The following IFT74 variants were observed in gnomAD, a reference collection of about 807,000 sequenced individuals.
IFT74 encodes intraflagellar transport 74.
A neutral mutation model predicts 96.7 loss-of-function variants in IFT74; 92 were observed. The ratio of observed to expected loss-of-function variants is 0.95; its 90% CI spans 0.80 to 1.13. The LOEUF is 1.13. Ranked by LOEUF, IFT74 falls within the 50% of genes most tolerant of loss-of-function variation. The pLI, the probability that IFT74 is intolerant of heterozygous loss-of-function variation, is 0.00. For missense variants in IFT74, 811 were observed against 698.2 expected (o/e 1.16, Z -1.82); for synonymous variants, 223 against 213.2 (o/e 1.05, Z -0.40).
chr9:27,022,535 G>C (rs1829660086), intron 12 of IFT74, among the ~76,000 whole-genome samples: 1 of 151,956 alleles, frequency 6.6e-6, no homozygotes, highest in African/African-American at 2.4e-5. Context: ...TCCTTGTAGA[G>C]GTCTTTCACC....
chr9:26,992,524 C>G (rs896932023), intron 8 of IFT74, among the ~76,000 whole-genome samples: 27 of 152,008 alleles, frequency 1.8e-4, no homozygotes, highest in African/African-American at 5.8e-4. Flanking sequence ...GAAACTCTGT[C>G]TCTACTAAAA....
At chr9:27,011,469 C>T (rs1829071038) in intron 9 of IFT74, among the ~76,000 whole-genome samples, 1 of 148,852 alleles carries the variant, frequency 6.7e-6, no homozygotes, top group Non-Finnish European at 1.5e-5. Context: ...TGTGTGTGTA[C>T]ACAGTATAGA....
chr9:26,981,269 C>G (rs1827363718), intron 4 of IFT74, among the ~76,000 whole-genome samples: 1 of 152,268 alleles, frequency 6.6e-6, no homozygotes, highest in East Asian at 1.9e-4. Flanking sequence ...ATTTTAGAGA[C>G]AGAGTCTCAC....
At chr9:26,984,627 T>C (rs1311476030) in intron 6 of IFT74, 68 bp downstream of exon 6, 1 of 1,230,118 alleles carries the variant, frequency 8.1e-7, no homozygotes, top group Non-Finnish European at 1.2e-6. Context: ...GCTTTAAAAA[T>C]ACATTAGTAG....
Position 26,980,415 on chromosome 9 carries a change from A to G in IFT74, c.257-156A>G, listed in dbSNP as rs10967638. Among the ~76,000 whole-genome samples the G allele has an allele frequency of 0.062, 9,412 of 152,204 alleles. 337 individuals are homozygous for G. Among genetic ancestry groups the G allele is most frequent in the South Asian group, 0.13 (611 of 4,820 alleles). ...CCTTATGTTGTGATTCTAAGGTATT[A>G]GTTCTCTTTTCAGTTTCAGTGATTC... is the stretch of plus-strand genomic sequence containing the variant. On this transcript the variant is annotated intron_variant, in intron 3 of 19. Transcript: ENST00000380062.
intron 8 of IFT74, 113 bp downstream of exon 8, chr9:26,990,308 T>C: frequency 2.0e-6 from 1 of 495,160 alleles, no homozygotes; most frequent in Non-Finnish European, 3.4e-6. Flanking sequence ...CATTGCCTTT[T>C]TCATTTAAAA....
At position 27,016,777 on chromosome 9, in the gene IFT74, T is replaced by C. The variant is rs1449732182; in HGVS notation, c.790-130T>C. On this transcript the variant is annotated intron_variant, in intron 10 of 19. Coordinates refer to ENST00000380062, the MANE Select transcript of IFT74 (RefSeq NM_025103.4). Reference sequence around the variant, plus strand: ...GCTTTGTAGCATTATTGAGTACTAATGATATTTGCTGTCTGTATTTAAAGA... The same window carrying C: ...GCTTTGTAGCATTATTGAGTACTAACGATATTTGCTGTCTGTATTTAAAGA... 19 of 593,692 alleles carry C rather than the reference T, an allele frequency of 3.2e-5. No individual in the cohort carries two copies. In the South Asian group the frequency reaches 5.0e-4, roughly 16 times the overall value. 36.8% of individuals were successfully genotyped at this position (593,692 alleles called of 1,614,324 possible). A position where few individuals can be genotyped will look rare whatever the true frequency, so the allele number is the denominator to read the frequency against.
intron 8 of IFT74, among the ~76,000 whole-genome samples, chr9:27,002,575 C>A (rs1265619008): frequency 6.6e-6 from 1 of 152,118 alleles, no homozygotes; most frequent in African/African-American, 2.4e-5. Context: ...GTTCTTGGCA[C>A]CTTTGTTGAA....
rs901548433 is a variant in IFT74, at chr9:26,965,665, G to T, written c.120+3578G>T. The stretch of plus-strand genomic sequence containing the variant: ...TTTAAAATTTGTATGTATTCATGGG[G>T]TAGGTCAGTTGTCTTACATGCATAT... On this transcript the variant is annotated intron_variant, in intron 2 of 19. Transcript: ENST00000380062. Among the ~76,000 whole-genome samples, 9 of 152,182 alleles carry T rather than the reference G, an allele frequency of 5.9e-5. No individual in the cohort carries two copies. In the South Asian group the frequency reaches 1.5e-3, roughly 25 times the overall value.
At chr9:26,996,436 A>G (rs1328436984) in intron 8 of IFT74, 1 of 1,598,306 alleles carries the variant, frequency 6.3e-7, no homozygotes, top group East Asian at 2.2e-5. Context: ...CTTATGAGGT[A>G]CTGTTTTGAT....
chr9:27,014,595 G>A (rs536217844), intron 10 of IFT74, among the ~76,000 whole-genome samples: 1 of 152,088 alleles, frequency 6.6e-6, no homozygotes, highest in South Asian at 2.1e-4. Flanking sequence ...ACTTTTGCCA[G>A]ATTTCTTTCT....
At chr9:26,969,594 A>C (rs1213723598) in intron 2 of IFT74, among the ~76,000 whole-genome samples, 1 of 152,000 alleles carries the variant, frequency 6.6e-6, no homozygotes, top group Non-Finnish European at 1.5e-5. Context: ...TGATATGTGA[A>C]GCTTTGTTCC....
chr9:27,012,113 C>T, intron 10 of IFT74, 145 bp downstream of exon 10: 1 of 502,120 alleles, frequency 2.0e-6, no homozygotes, highest in Non-Finnish European at 3.5e-6. Context: ...CTATTCTGGA[C>T]CCACAAAGAT....
intron 1 of IFT74, among the ~76,000 whole-genome samples, chr9:26,959,353 C>G (rs1826255624): frequency 6.6e-6 from 1 of 152,176 alleles, no homozygotes; most frequent in South Asian, 2.1e-4. Flanking sequence ...TCGTGATCCG[C>G]CCGCCTCGGC....
chr9:27,041,092 C>T (rs148756899), intron 13 of IFT74, among the ~76,000 whole-genome samples: 1,855 of 152,278 alleles, frequency 0.012, 19 homozygotes, highest in South Asian at 0.023. Context: ...ACAGCACATA[C>T]GCATTTCTTC....
intron 19 of IFT74, chr9:27,061,136 A>G (rs1459630254): frequency 6.5e-6 from 1 of 153,816 alleles, no homozygotes; most frequent in Non-Finnish European, 1.3e-5. Flanking sequence ...ATTCTACAGT[A>G]GTTAAGAGGT....
chr9:26,953,302 T>C (rs1263371423), upstream of IFT74, among the ~76,000 whole-genome samples: 1 of 152,252 alleles, frequency 6.6e-6, no homozygotes, highest in Non-Finnish European at 1.5e-5. Flanking sequence ...TTTTTATAGA[T>C]GGCCAAATTT....
chr9:27,029,838 A>G (rs923557189), intron 13 of IFT74, among the ~76,000 whole-genome samples: 3 of 152,230 alleles, frequency 2.0e-5, no homozygotes, highest in African/African-American at 7.2e-5. Context: ...AAATCAAATC[A>G]CAAATACCAC....
Position 27,065,240 on chromosome 9 carries a change from C to G in IFT74, c.*2504C>G, listed in dbSNP as rs534300990. On this transcript the variant is annotated 3_prime_UTR_variant, in exon 20 of 20. Coordinates refer to ENST00000380062, the MANE Select transcript of IFT74 (RefSeq NM_025103.4). ...TTCTTTAAATTAAAACATGTTTTAT[C>G]TGAGGGAAATTCTCACTAATGTCTC... Among the ~76,000 whole-genome samples, 3 of 152,078 alleles carry G rather than the reference C, an allele frequency of 2.0e-5. No individual in the cohort carries two copies. Among genetic ancestry groups the G allele is most frequent in the African/African-American group, 7.2e-5 (3 of 41,418 alleles).
Sources: allele counts gnomAD v4.1 joint callset (sites outside exome capture counted in the v4.1 genomes callset), GRCh38; gene constraint gnomAD v4.1.1; transcripts MANE v1.5; gene names NCBI Gene and HGNC (gene_info 2026-07-23, HGNC 2026-07-21).